DHRSX: variants seen among roughly 807,000 people sequenced by gnomAD.
The protein encoded by DHRSX is dehydrogenase/reductase X-linked, also known as polyprenol dehydrogenase.
A neutral mutation model predicts 34.0 loss-of-function variants in DHRSX; 31 were observed. That is an observed-to-expected ratio of 0.91 (90% CI 0.69 to 1.23). The LOEUF (loss-of-function observed/expected upper bound fraction) is 1.23. DHRSX is among the 50% of genes most tolerant of loss of function. The pLI is 0.00. For missense variants in DHRSX, 414 were observed against 428.1 expected (o/e 0.97, Z 0.29); for synonymous variants, 201 against 183.8 (o/e 1.09, Z -0.76).
intron 6 of DHRSX, among the ~76,000 whole-genome samples, chrX:2,227,594 GAAAA>G (rs371762118): frequency 1.8e-4 from 12 of 68,170 alleles, no homozygotes; most frequent in Admixed American, 3.4e-4. Context: ...GATGAAAAAA[GAAAA>G]AAAAACAGGA....
At chrX:2,276,609 C>G (rs2041655338) in intron 4 of DHRSX, among the ~76,000 whole-genome samples, 1 of 151,982 alleles carries the variant, frequency 6.6e-6, no homozygotes, top group South Asian at 2.1e-4. Flanking sequence ...GTCACAATCA[C>G]ATATTGTGCC....
chrX:2,470,811 T>G (rs1407191020), intron 1 of DHRSX, among the ~76,000 whole-genome samples: 1 of 152,190 alleles, frequency 6.6e-6, no homozygotes, highest in East Asian at 1.9e-4. Context: ...ATACATCACG[T>G]CTTTCAAAAT....
chrX:2,451,818 G>T (rs1185360872), intron 1 of DHRSX, among the ~76,000 whole-genome samples: 1 of 152,174 alleles, frequency 6.6e-6, no homozygotes, highest in Non-Finnish European at 1.5e-5. Context: ...AACTGAAAAG[G>T]TTCCCTAAGA....
chrX:2,456,055 T>C (rs940286396), intron 1 of DHRSX, among the ~76,000 whole-genome samples: 21 of 151,944 alleles, frequency 1.4e-4, no homozygotes, highest in African/African-American at 4.8e-4. Context: ...GTGCCTAGCT[T>C]TAGCCAGTTT....
chrX:2,298,361 G>T (rs2041960660), intron 3 of DHRSX, among the ~76,000 whole-genome samples: 1 of 128,178 alleles, frequency 7.8e-6, no homozygotes, highest in African/African-American at 3.0e-5. Flanking sequence ...ATTCAAAAAT[G>T]TATACAGCTG....
At chrX:2,415,001 C>A (rs894688225) in intron 2 of DHRSX, among the ~76,000 whole-genome samples, 34 of 151,640 alleles carry the variant, frequency 2.2e-4, no homozygotes, top group African/African-American at 8.2e-4. Flanking sequence ...ACGACCTACC[C>A]AACTAGAACT....
At chrX:2,360,483 T>A (rs1333480101) in intron 3 of DHRSX, among the ~76,000 whole-genome samples, 1 of 152,092 alleles carries the variant, frequency 6.6e-6, no homozygotes, top group East Asian at 1.9e-4. Context: ...CTTGGGAGGC[T>A]GAGGCAGGAG....
Position 2,383,704 on chromosome X carries a change from A to T in DHRSX, c.286+25041T>A, listed in dbSNP as rs1374908952. ...CTGGGGAAATCAGTGACACAATTAA[A>T]CAACCAACGATACAATGTGTGAGGT... On this transcript the variant is annotated intron_variant, in intron 3 of 6. Transcript: ENST00000334651. Among the ~76,000 whole-genome samples the T allele has an allele frequency of 6.0e-5, 9 of 149,754 alleles. No homozygotes were observed. In the South Asian group the frequency reaches 1.9e-3, roughly 31 times the overall value.
chrX:2,451,246 A>C (rs1159737129), intron 1 of DHRSX, among the ~76,000 whole-genome samples: 1 of 151,728 alleles, frequency 6.6e-6, no homozygotes, highest in Non-Finnish European at 1.5e-5. Flanking sequence ...AAAAAAAAAA[A>C]AAAAAGTTGC....
intron 1 of DHRSX, among the ~76,000 whole-genome samples, chrX:2,496,797 A>C (rs1215568976): frequency 6.6e-6 from 1 of 150,724 alleles, no homozygotes; most frequent in Non-Finnish European, 1.5e-5. Flanking sequence ...TAAAAATATC[A>C]ATTGTTTTTA....
intron 1 of DHRSX, among the ~76,000 whole-genome samples, chrX:2,452,309 C>A (rs1399755586): frequency 6.6e-6 from 1 of 151,654 alleles, no homozygotes; most frequent in Non-Finnish European, 1.5e-5. Context: ...TGAAGACGTT[C>A]CCTAAGAATG....
At chrX:2,490,356 T>G (rs778505721) in intron 1 of DHRSX, 3 of 1,613,446 alleles carry the variant, frequency 1.9e-6, no homozygotes, top group Non-Finnish European at 2.5e-6. Flanking sequence ...TCCTGCTGCT[T>G]CTTGCTGTCG....
rs145834233 is a variant in DHRSX at position 2,490,324 on chromosome X, G to A, written c.109+10493C>T. Reference sequence around the variant, plus strand: ...CTGGGTACAGCCCCTCGCAGATGAGGCCCAGCACGGCGGCCGTCAGCTCCT... The same window carrying A: ...CTGGGTACAGCCCCTCGCAGATGAGACCCAGCACGGCGGCCGTCAGCTCCT... On this transcript the variant is annotated intron_variant, in intron 1 of 6. Coordinates refer to ENST00000334651, the MANE Select transcript of DHRSX (RefSeq NM_145177.3). 57 of 1,613,256 alleles carry A rather than the reference G, an allele frequency of 3.5e-5. No homozygotes were observed. In the African/African-American group the frequency reaches 5.1e-4, roughly 14 times the overall value.
intron 1 of DHRSX, among the ~76,000 whole-genome samples, chrX:2,484,215 C>G (rs1458133438): frequency 6.6e-6 from 1 of 152,160 alleles, no homozygotes. Context: ...TCAGGCGATC[C>G]ACCCGCCTCG....
chrX:2,358,206 C>G (rs756611043), intron 3 of DHRSX, among the ~76,000 whole-genome samples: 204 of 152,146 alleles, frequency 1.3e-3, no homozygotes, highest in African/African-American at 4.5e-3. Flanking sequence ...CTATCAACAG[C>G]GTGAACAGAC....
chrX:2,484,232 C>G (rs1324258472), intron 1 of DHRSX, among the ~76,000 whole-genome samples: 1 of 152,172 alleles, frequency 6.6e-6, no homozygotes, highest in Non-Finnish European at 1.5e-5. Flanking sequence ...CTCGGCCTCC[C>G]AAAGTGCTGG....
chrX:2,359,612 C>T (rs2042902624), intron 3 of DHRSX, among the ~76,000 whole-genome samples: 1 of 151,790 alleles, frequency 6.6e-6, no homozygotes, highest in South Asian at 2.1e-4. Flanking sequence ...GTGCAGTGAG[C>T]TGAGGCAGAG....
intron 3 of DHRSX, among the ~76,000 whole-genome samples, chrX:2,359,405 C>T (rs1465285605): frequency 5.3e-5 from 8 of 152,140 alleles, no homozygotes; most frequent in African/African-American, 1.4e-4. Flanking sequence ...AGGCCAGGTG[C>T]GGTGGCTCAC....
chrX:2,321,977 T>G, intron 3 of DHRSX, among the ~76,000 whole-genome samples: 1 of 152,276 alleles, frequency 6.6e-6, no homozygotes, highest in Admixed American at 6.5e-5. Flanking sequence ...CTTTTTTGTT[T>G]TTAATTATCT....
Sources: gnomAD v4.1 joint callset for allele counts (sites outside exome capture counted in the v4.1 genomes callset) on GRCh38, gnomAD v4.1.1 for gene constraint, MANE v1.5 for transcripts, NCBI Gene and HGNC (gene_info 2026-07-23, HGNC 2026-07-21) for gene names.